GALK2: variants seen among roughly 807,000 people sequenced by gnomAD.
The protein encoded by GALK2 is galactokinase 2.
A neutral mutation model predicts 52.4 loss-of-function variants in GALK2; 36 were observed. The observed-to-expected ratio is 0.69, with a 90% CI of 0.53 to 0.91. The LOEUF (loss-of-function observed/expected upper bound fraction) is 0.91, where lower values mean the gene tolerates loss of function less well. Among genes scored for constraint, GALK2 ranks in the 40% least tolerant of loss-of-function variants. GALK2 has a pLI of 0.00. For synonymous variants in GALK2, 176 were observed against 199.1 expected, an observed-to-expected ratio of 0.88 and a Z score of 0.98; for missense variants, 579 against 559.1, an observed-to-expected ratio of 1.04 and a Z score of -0.36.
chr15:49,200,112 A>G (rs747207818), intron 1 of GALK2, among the ~76,000 whole-genome samples: 2 of 152,184 alleles, frequency 1.3e-5, no homozygotes, highest in Non-Finnish European at 2.9e-5. Context: ...TGGGACTACA[A>G]ATAATGAGGG....
upstream of GALK2, chr15:49,170,159 G>C: frequency 6.9e-7 from 1 of 1,449,508 alleles, no homozygotes; most frequent in South Asian, 1.4e-5. Context: ...CCAGAGGAGG[G>C]GCCGATTGGA....
chr15:49,240,313 A>G (rs1286542184), intron 5 of GALK2, among the ~76,000 whole-genome samples: 1 of 152,200 alleles, frequency 6.6e-6, no homozygotes, highest in Non-Finnish European at 1.5e-5. Flanking sequence ...TTCCCCTGGT[A>G]CAATTTTCAA....
intron 2 of GALK2, among the ~76,000 whole-genome samples, chr15:49,212,362 C>A (rs2088989092): frequency 6.6e-6 from 1 of 152,158 alleles, no homozygotes; most frequent in African/African-American, 2.4e-5. Context: ...TCCCAAAGTG[C>A]TGGGATTACA....
intron 3 of GALK2, among the ~76,000 whole-genome samples, chr15:49,352,416 G>C (rs1271870710): frequency 6.6e-6 from 1 of 152,144 alleles, no homozygotes; most frequent in East Asian, 1.9e-4. Context: ...AATATAATCT[G>C]CCATAGGACT....
chr15:49,278,406 C>T (rs1452376227), intron 5 of GALK2, among the ~76,000 whole-genome samples: 1 of 152,140 alleles, frequency 6.6e-6, no homozygotes, highest in Non-Finnish European at 1.5e-5. Context: ...AAAAAATGGT[C>T]TTGTATTCTA....
At chr15:49,276,717 T>C (rs1039796074) in intron 5 of GALK2, among the ~76,000 whole-genome samples, 14 of 152,194 alleles carry the variant, frequency 9.2e-5, no homozygotes. Context: ...CCTTTTACAG[T>C]GTAGTGCTGT....
In GALK2 at chr15:49,158,911, G is replaced by C. The variant is rs545513612; in HGVS notation, c.20+2895G>C. ...CACCATCATAGCTTACTGCAGCCTC[G>C]AACTCCTTGGTTTAAGTGACCTTCC... On this transcript the variant is annotated intron_variant, in intron 1 of 9. Transcript: ENST00000327171. The C allele has an allele frequency of 2.0e-5, 3 of 152,294 alleles. No individual in the cohort carries two copies. The East Asian group carries it at 5.8e-4, about 29-fold the overall frequency. 9.4% of individuals were successfully genotyped at this position (152,294 alleles called of 1,614,324 possible).
intron 3 of GALK2, among the ~76,000 whole-genome samples, chr15:49,355,511 G>A (rs1596460601): frequency 6.6e-6 from 1 of 152,226 alleles, no homozygotes; most frequent in African/African-American, 2.4e-5. Context: ...TGAAATGAAT[G>A]AAATGAAGCA....
chr15:49,226,429 T>C (rs1338781344), intron 3 of GALK2, among the ~76,000 whole-genome samples: 1 of 152,218 alleles, frequency 6.6e-6, no homozygotes, highest in Non-Finnish European at 1.5e-5. Context: ...TGGTGTTTTC[T>C]GTCTAAGATT....
intron 3 of GALK2, among the ~76,000 whole-genome samples, chr15:49,234,409 C>A (rs1306362700): frequency 3.3e-5 from 5 of 152,012 alleles, no homozygotes; most frequent in African/African-American, 1.2e-4. Flanking sequence ...CATAAAGATG[C>A]TATATTTCAT....
chr15:49,268,523 A>G (rs2029869523), intron 5 of GALK2, among the ~76,000 whole-genome samples: 1 of 152,230 alleles, frequency 6.6e-6, no homozygotes, highest in Admixed American at 6.5e-5. Context: ...GAAGTAAGAG[A>G]GAAAGTGAGC....
chr15:49,165,317 A>G (rs2084784024), upstream of GALK2, among the ~76,000 whole-genome samples: 1 of 152,206 alleles, frequency 6.6e-6, no homozygotes, highest in Non-Finnish European at 1.5e-5. Context: ...TAATAACCCT[A>G]TGAAGTAGGT....
intron 3 of GALK2, among the ~76,000 whole-genome samples, chr15:49,361,709 G>A (rs1051735827): frequency 2.6e-5 from 4 of 152,006 alleles, no homozygotes; most frequent in East Asian, 3.9e-4. Flanking sequence ...ATGAGCATAC[G>A]CGTGAATGTA....
chr15:49,234,636 C>T (rs2090693199), intron 3 of GALK2, among the ~76,000 whole-genome samples: 1 of 152,152 alleles, frequency 6.6e-6, no homozygotes, highest in African/African-American at 2.4e-5. Context: ...ACTATCATGA[C>T]AAAAGCACAA....
rs574058667 is a variant in GALK2 at position 49,171,928 on chromosome 15, C to A, written c.53+1553C>A. Reference sequence around the variant, plus strand: ...CTGGGATTACAAGTGCCCGCCACCACGCCCCGTTATTTTTTTGTGTTTTTG... The same window carrying A: ...CTGGGATTACAAGTGCCCGCCACCAAGCCCCGTTATTTTTTTGTGTTTTTG... On this transcript the variant is annotated intron_variant, in intron 1 of 9. Coordinates refer to ENST00000560031, the MANE Select transcript of GALK2 (RefSeq NM_002044.4). 2.6e-5 allele frequency among the ~76,000 whole-genome samples: 4 copies of A among 152,172 alleles called. 1 individual carries two copies. In the South Asian group the frequency reaches 8.3e-4, roughly 32 times the overall value.
chr15:49,335,128 C>T (rs1448625784), downstream of GALK2, among the ~76,000 whole-genome samples: 8 of 152,122 alleles, frequency 5.3e-5, no homozygotes, highest in Admixed American at 2.0e-4. Context: ...TGTAAATGGA[C>T]GATACTCCAG....
chr15:49,169,206 C>G (rs771678730), upstream of GALK2: 1 of 151,650 alleles, frequency 6.6e-6, no homozygotes, highest in African/African-American at 2.4e-5. Flanking sequence ...TACAACTTAT[C>G]GAATCTCTCT....
Position 49,331,686 on chromosome 15 carries a change from G to A in GALK2, c.*3527G>A. ...ATCCTCTCCTGCCACTGTAATTTGGGTGTGCCACCATACATTGCTTATGAA... is the reference window on the plus strand; with the variant it reads ...ATCCTCTCCTGCCACTGTAATTTGGATGTGCCACCATACATTGCTTATGAA... On this transcript the variant is annotated 3_prime_UTR_variant, in exon 10 of 10. Coordinates refer to ENST00000560031, the MANE Select transcript of GALK2 (RefSeq NM_002044.4). 2.6e-6 allele frequency: 2 copies of A among 755,078 alleles called. No homozygotes were observed. The highest frequency in any genetic ancestry group is 1.5e-5 in the South Asian group (1 of 64,612). The allele number at this position is 755,078 out of a possible 1,614,324, so 46.8% of individuals were successfully genotyped here. A position where few individuals can be genotyped will look rare whatever the true frequency, so the allele number is the denominator to read the frequency against.
At chr15:49,239,076 T>C in intron 4 of GALK2, 145 bp from the exon 5 acceptor site, 1 of 627,052 alleles carries the variant, frequency 1.6e-6, no homozygotes, top group Non-Finnish European at 2.7e-6. Context: ...ACATATAGTC[T>C]CAACTAAATT....
Sources: allele counts gnomAD v4.1 joint callset (sites outside exome capture counted in the v4.1 genomes callset), GRCh38; gene constraint gnomAD v4.1.1; transcripts MANE v1.5; gene names NCBI Gene and HGNC (gene_info 2026-07-23, HGNC 2026-07-21).